Variants in PCYOX1 observed in about 807,000 individuals in gnomAD.
PCYOX1 encodes prenylcysteine lyase.
PCYOX1 carries 46 observed loss-of-function variants against 46.4 expected under a neutral mutation model. That is an observed-to-expected ratio of 0.99 (90% confidence interval 0.78 to 1.27). PCYOX1 has a LOEUF of 1.27. Ranked by LOEUF, PCYOX1 falls within the 50% of genes most tolerant of loss-of-function variation. PCYOX1 has a pLI of 0.00. For synonymous variants in PCYOX1, 220 were observed against 231.8 expected, an observed-to-expected ratio of 0.95 and a Z score of 0.46; for missense variants, 658 against 628.3, an observed-to-expected ratio of 1.05 and a Z score of -0.51.
Position 70,276,938 on chromosome 2 carries a change from C to G in PCYOX1, c.1064C>G (p.Ser355Cys), listed in dbSNP as rs1366881539. 1 of 1,609,894 alleles carries G rather than the reference C, an allele frequency of 6.2e-7. No individual in the cohort carries two copies. Among genetic ancestry groups the G allele is most frequent in the Non-Finnish European group, 8.5e-7 (1 of 1,176,262 alleles). ...TTAGTTAAGGGGGAATTGAATACAT[C>G]TATCTTTAGCTCTAGACCCATAGAT... Reference protein sequence around the residue: ...TTLVKGELNTSIFSSRPIDKF... With the variant: ...TTLVKGELNTCIFSSRPIDKF... Residue 355 changes from serine (S) to cysteine (C), a missense_variant, in exon 6 of 6, where the codon TCT (serine) becomes TGT (cysteine). By Grantham distance (112) the Ser-to-Cys change is moderately radical. Transcript: ENST00000433351.
intron 3 of PCYOX1, among the ~76,000 whole-genome samples, chr2:70,274,567 T>C (rs1696643760): frequency 6.7e-6 from 1 of 148,390 alleles, no homozygotes. Flanking sequence ...TTTTTTTTTT[T>C]CTTTTTTTTT....
At position 70,279,014 on chromosome 2, in the gene PCYOX1, C is replaced by T. The variant is rs922661868; in HGVS notation, c.*1622C>T. ...TCGGGAGGCTGAGGTGGGAGGATCA[C>T]TTGAGCCTTGGAGGTCAAGGCTGCA... On this transcript the variant is annotated 3_prime_UTR_variant, in exon 6 of 6. Coordinates refer to ENST00000433351, the MANE Select transcript of PCYOX1 (RefSeq NM_016297.4). The T allele has an allele frequency of 1.3e-5, 2 of 151,902 alleles. No homozygotes were observed. The highest frequency in any genetic ancestry group is 2.4e-5 in the African/African-American group (1 of 41,336). 9.4% of individuals were successfully genotyped at this position (151,902 alleles called of 1,614,324 possible).
Position 70,277,249 on chromosome 2 carries a change from G to T in PCYOX1, c.1375G>T (p.Gly459Cys). The T allele has an allele frequency of 6.2e-7, 1 of 1,614,122 alleles. No homozygotes were observed. The highest frequency in any genetic ancestry group is 8.5e-7 in the Non-Finnish European group (1 of 1,180,034). ...CCATGATCGACTTTATTACCTCAAT[G>T]GCATAGAGTGTGCAGCAAGTGCCAT... is the stretch of plus-strand genomic sequence containing the variant. ...ILHDRLYYLNGIECAASAMEM... is the reference protein window; with the variant it reads ...ILHDRLYYLNCIECAASAMEM... The change falls in exon 6 of 6, where the codon GGC becomes TGC. Residue 459 changes from glycine to cysteine, a missense_variant. Transcript: ENST00000433351.
chr2:70,277,193 A>C lies in PCYOX1; in HGVS notation c.1319A>C (p.Lys440Thr). ...KKPWLAYPHY[K>T]PPEKCPSIIL... ...CCATGGCTTGCATATCCTCACTATA[A>C]GCCCCCGGAGAAATGCCCCTCTATC... is the stretch of plus-strand genomic sequence containing the variant. Residue 440 changes from lysine to threonine, a missense_variant, in exon 6 of 6, where the codon AAG (lysine) becomes ACG (threonine). By Grantham distance (78) the Lys-to-Thr change is moderately conservative. Transcript: ENST00000433351. 1 of 1,614,068 alleles carries C rather than the reference A, an allele frequency of 6.2e-7. No homozygotes were observed. Among genetic ancestry groups the C allele is most frequent in the South Asian group, 1.1e-5 (1 of 91,078 alleles).
intron 3 of PCYOX1, among the ~76,000 whole-genome samples, chr2:70,269,791 C>T (rs966340245): frequency 6.6e-6 from 1 of 151,974 alleles, no homozygotes; most frequent in Admixed American, 6.6e-5. Context: ...AACTTTGAAT[C>T]AGGTCGAATA....
At chr2:70,264,990 C>T (rs185976240) in intron 3 of PCYOX1, among the ~76,000 whole-genome samples, 6 of 152,036 alleles carry the variant, frequency 3.9e-5, no homozygotes. Flanking sequence ...GGAGAAAGAC[C>T]TATGTAACAG....
At chr2:70,267,782 A>T (rs535043902) in intron 3 of PCYOX1, among the ~76,000 whole-genome samples, 1 of 108,684 alleles carries the variant, frequency 9.2e-6, no homozygotes, top group African/African-American at 3.6e-5. Flanking sequence ...GACCGTGGAG[A>T]GGGAGAGGGG....
chr2:70,276,187 T>C (rs1696669017), intron 5 of PCYOX1, among the ~76,000 whole-genome samples: 2 of 151,996 alleles, frequency 1.3e-5, no homozygotes, highest in African/African-American at 4.8e-5. Flanking sequence ...TTTTTTTTTT[T>C]TGAGATGGAG....
chr2:70,262,427 A>G (rs570413034), intron 3 of PCYOX1, among the ~76,000 whole-genome samples: 1 of 151,140 alleles, frequency 6.6e-6, no homozygotes, highest in South Asian at 2.1e-4. Flanking sequence ...CGGCCTCCCA[A>G]AGTGCTGGGA....
Position 70,270,498 on chromosome 2 carries a change from C to G in PCYOX1, c.495-4461C>G, listed in dbSNP as rs62151214. Among the ~76,000 whole-genome samples, 441 of 152,322 alleles carry G rather than the reference C, an allele frequency of 2.9e-3. 3 individuals are homozygous for G. The highest frequency in any genetic ancestry group is 4.8e-3 in the Non-Finnish European group (324 of 68,036). Reference sequence around the variant, plus strand: ...CTGGCTGTACCACTCCCGGTTCTCCCATATCACTCTGCTTCAGCTGCTCTG... The same window carrying G: ...CTGGCTGTACCACTCCCGGTTCTCCGATATCACTCTGCTTCAGCTGCTCTG... On this transcript the variant is annotated intron_variant, in intron 3 of 5. Transcript: ENST00000433351.
intron 3 of PCYOX1, among the ~76,000 whole-genome samples, chr2:70,270,054 GT>G (rs1180121019): frequency 1.3e-5 from 2 of 151,768 alleles, no homozygotes; most frequent in African/African-American, 2.4e-5. Context: ...GAGTGCAATG[GT>G]GCGATCTTGG....
intron 3 of PCYOX1, among the ~76,000 whole-genome samples, chr2:70,268,109 G>A (rs1042559009): frequency 3.3e-5 from 5 of 152,030 alleles, no homozygotes; most frequent in Non-Finnish European, 5.9e-5. Context: ...GCACCCGGCC[G>A]TAAATTTGTG....
chr2:70,269,460 T>C (rs1331489192), intron 3 of PCYOX1, among the ~76,000 whole-genome samples: 1 of 151,790 alleles, frequency 6.6e-6, no homozygotes, highest in African/African-American at 2.4e-5. Flanking sequence ...CTCAGCCTCC[T>C]GAGTAGGTGG....
rs1696706880 is a variant in PCYOX1, at chr2:70,277,698, A to G, written c.*306A>G. 8.3e-6 allele frequency: 2 copies of G among 241,738 alleles called. No homozygotes were observed. Among genetic ancestry groups the G allele is most frequent in the Admixed American group, 1.0e-4 (2 of 19,434 alleles). The allele number at this position is 241,738 out of a possible 1,614,324, so 15.0% of individuals were successfully genotyped here. On this transcript the variant is annotated 3_prime_UTR_variant, in exon 6 of 6. Coordinates refer to ENST00000433351, the MANE Select transcript of PCYOX1 (RefSeq NM_016297.4). ...GTGGTGGTTGCAGTGAGCCAATCTC[A>G]CCATTGCACTTCAGCCTGAGCAACA...
At position 70,276,913 on chromosome 2, in the gene PCYOX1, TTA is replaced by T. The variant is rs1295095339; in HGVS notation, c.1040_1041del (p.Leu347CysfsTer2). On this transcript the variant is annotated frameshift_variant, in exon 6 of 6. Transcript: ENST00000433351. LOFTEE classifies it high-confidence loss of function. Reference protein sequence around the residue: ...HQYYQHIVTTLVKGELNTSIF... With the variant: ...HQYYQHIVTTXVKGELNTSIF... ...ATATTATCAACATATAGTGACAACT[TTA>T]GTTAAGGGGGAATTGAATACATCTA... 6.2e-7 allele frequency: 1 copy of T among 1,612,578 alleles called. No individual in the cohort carries two copies. The highest frequency in any genetic ancestry group is 2.2e-5 in the East Asian group (1 of 44,880).
At chr2:70,268,595 C>T (rs906546913) in intron 3 of PCYOX1, among the ~76,000 whole-genome samples, 10 of 152,014 alleles carry the variant, frequency 6.6e-5, no homozygotes, top group East Asian at 3.9e-4. Context: ...GTTGGGAGTT[C>T]GAGACCAGCC....
chr2:70,262,929 C>T (rs1224313762), intron 3 of PCYOX1, among the ~76,000 whole-genome samples: 2 of 151,886 alleles, frequency 1.3e-5, no homozygotes, highest in Non-Finnish European at 2.9e-5. Context: ...AGGTATTGAA[C>T]AGGACAAATA....
chr2:70,258,346 C>T (rs1370966449), intron 1 of PCYOX1, 70 bp downstream of exon 1: 8 of 982,390 alleles, frequency 8.1e-6, no homozygotes, highest in Admixed American at 3.1e-5. Flanking sequence ...CTGCGCAGTG[C>T]GCCCAGATCC....
intron 5 of PCYOX1, 141 bp downstream of exon 5, chr2:70,275,807 T>A (rs1696663335): frequency 1.2e-6 from 1 of 851,040 alleles, no homozygotes; most frequent in African/African-American, 1.7e-5. Context: ...TATAGAAATA[T>A]TCCCCAATGG....
Sources: gnomAD v4.1 joint callset for allele counts (sites outside exome capture counted in the v4.1 genomes callset) on GRCh38, gnomAD v4.1.1 for gene constraint, MANE v1.5 for transcripts, NCBI Gene and HGNC (gene_info 2026-07-23, HGNC 2026-07-21) for gene names.